COL26A1: variants seen among roughly 807,000 people sequenced by gnomAD.
COL26A1 encodes collagen alpha-1(XXVI) chain.
A neutral mutation model predicts 59.3 loss-of-function variants in COL26A1; 41 were observed. The observed-to-expected ratio is 0.69, with a 90% CI of 0.54 to 0.90. The LOEUF (loss-of-function observed/expected upper bound fraction) is 0.90. Ranked by LOEUF, COL26A1 falls within the 40% of genes least tolerant of loss-of-function variation. COL26A1 has a pLI of 0.00. For missense variants in COL26A1, 612 were observed against 602.3 expected (o/e 1.02, Z -0.17); for synonymous variants, 266 against 256.0 (o/e 1.04, Z -0.37).
intron 3 of COL26A1, among the ~76,000 whole-genome samples, chr7:101,477,840 A>AT (rs1207318905): frequency 6.6e-6 from 1 of 151,264 alleles, no homozygotes. Context: ...TGTAGATGAG[A>AT]TTTTCTCAGC....
At chr7:101,402,144 C>A (rs533242956) in intron 1 of COL26A1, among the ~76,000 whole-genome samples, 1 of 152,220 alleles carries the variant, frequency 6.6e-6, no homozygotes, top group South Asian at 2.1e-4. Context: ...GGGGTGCCAC[C>A]GGCTGCCGGA....
chr7:101,546,478 G>A (rs1201303681), intron 7 of COL26A1, among the ~76,000 whole-genome samples: 3 of 151,130 alleles, frequency 2.0e-5, no homozygotes, highest in Non-Finnish European at 4.4e-5. Context: ...GTCTCACTAT[G>A]TTGGGCAGGC....
chr7:101,489,681 C>CTTTCTT (rs1794360096), intron 3 of COL26A1, among the ~76,000 whole-genome samples: 1 of 24,118 alleles, frequency 4.1e-5, no homozygotes, highest in African/African-American at 5.6e-4. Flanking sequence ...TCCTTCCTTC[C>CTTTCTT]TTTCTTTCTT....
At chr7:101,403,862 T>A (rs1423139259) in intron 1 of COL26A1, among the ~76,000 whole-genome samples, 1 of 152,090 alleles carries the variant, frequency 6.6e-6, no homozygotes, top group African/African-American at 2.4e-5. Context: ...TTGGGAAGCC[T>A]AGGCGGGCAG....
chr7:101,549,050 C>G (rs1369977862), intron 8 of COL26A1, 121 bp from the exon 9 acceptor site: 12 of 530,744 alleles, frequency 2.3e-5, no homozygotes, highest in African/African-American at 8.0e-5. Context: ...CCTCCCCACA[C>G]CATTCATTCC....
At chr7:101,495,149 C>T (rs901784042) in intron 3 of COL26A1, among the ~76,000 whole-genome samples, 1 of 152,164 alleles carries the variant, frequency 6.6e-6, no homozygotes, top group Non-Finnish European at 1.5e-5. Flanking sequence ...TCGGTGCCCC[C>T]CTCCCACCTC....
chr7:101,403,267 G>A (rs1584377240), intron 1 of COL26A1, among the ~76,000 whole-genome samples: 1 of 152,168 alleles, frequency 6.6e-6, no homozygotes, highest in South Asian at 2.1e-4. Context: ...TGCAGTGGGA[G>A]ATTAGGAGTG....
At chr7:101,538,648 G>A (rs186909516) in intron 4 of COL26A1, among the ~76,000 whole-genome samples, 10 of 152,272 alleles carry the variant, frequency 6.6e-5, no homozygotes, top group Admixed American at 2.0e-4. Context: ...GGGGGAGCCC[G>A]TTCTGCAGCC....
chr7:101,463,570 C>T (rs1584429687), intron 3 of COL26A1, among the ~76,000 whole-genome samples: 2 of 120,726 alleles, frequency 1.7e-5, no homozygotes, highest in Non-Finnish European at 3.3e-5. Context: ...CTTTCTTTCA[C>T]TTGTCCTTCC....
chr7:101,526,151 C>A (rs183388353), intron 3 of COL26A1, among the ~76,000 whole-genome samples: 1 of 151,926 alleles, frequency 6.6e-6, no homozygotes, highest in Non-Finnish European at 1.5e-5. Context: ...TGGGTTCAAG[C>A]GATTCTCCTG....
At chr7:101,388,900 A>T (rs529257787) in intron 1 of COL26A1, 85 of 184,082 alleles carry the variant, frequency 4.6e-4, no homozygotes, top group African/African-American at 1.9e-3. Context: ...TTAGCGACTG[A>T]GTAGCTCCTC....
intron 1 of COL26A1, among the ~76,000 whole-genome samples, chr7:101,395,753 C>A (rs962365448): frequency 6.6e-6 from 1 of 152,128 alleles, no homozygotes; most frequent in Admixed American, 6.5e-5. Flanking sequence ...GAAGGTGGCT[C>A]CTTCCACCTG....
At position 101,513,557 on chromosome 7, in the gene COL26A1, C is replaced by CTGGTCTCAAGCTCT. The variant is rs1222352503; in HGVS notation, c.386-19521_386-19508dup. Among the ~76,000 whole-genome samples the CTGGTCTCAAGCTCT allele has an allele frequency of 2.6e-5, 4 of 152,014 alleles. No individual in the cohort carries two copies. The East Asian group carries it at 7.7e-4, about 29-fold the overall frequency. ...ATGGGGTTTTGCCGTGTTGGCCAGG[C>CTGGTCTCAAGCTCT]TGGTCTCAAGCTCTTGGCCTCAAGT... is the stretch of plus-strand genomic sequence containing the variant. On this transcript the variant is annotated intron_variant, in intron 3 of 12. Coordinates refer to ENST00000313669, the MANE Select transcript of COL26A1 (RefSeq NM_001278563.3).
intron 1 of COL26A1, among the ~76,000 whole-genome samples, chr7:101,367,595 G>A (rs1010847533): frequency 4.0e-5 from 6 of 151,850 alleles, no homozygotes; most frequent in African/African-American, 1.5e-4. Context: ...AGCCCGGGAG[G>A]CGGAGGGTAC....
chr7:101,417,733 A>G (rs1792414228), intron 1 of COL26A1, among the ~76,000 whole-genome samples: 1 of 143,026 alleles, frequency 7.0e-6, no homozygotes, highest in African/African-American at 2.8e-5. Flanking sequence ...TAATATATTT[A>G]TATCTTGAGA....
At chr7:101,496,324 A>G (rs1003812810) in intron 3 of COL26A1, among the ~76,000 whole-genome samples, 4 of 152,238 alleles carry the variant, frequency 2.6e-5, no homozygotes, top group African/African-American at 9.6e-5. Flanking sequence ...ACAGCAGGTC[A>G]ATTTACCAAG....
chr7:101,380,728 A>G (rs1332201096), intron 1 of COL26A1, among the ~76,000 whole-genome samples: 3 of 152,184 alleles, frequency 2.0e-5, no homozygotes, highest in Non-Finnish European at 4.4e-5. Flanking sequence ...CCCAGACTTT[A>G]GAGATCAGCT....
intron 3 of COL26A1, among the ~76,000 whole-genome samples, chr7:101,517,766 A>G (rs925988580): frequency 2.8e-5 from 4 of 141,234 alleles, no homozygotes; most frequent in Non-Finnish European, 4.6e-5. Flanking sequence ...GGCTTCCCCC[A>G]CTGCAGTCAG....
intron 3 of COL26A1, among the ~76,000 whole-genome samples, chr7:101,507,784 C>T (rs1794843037): frequency 6.6e-6 from 1 of 152,054 alleles, no homozygotes. Context: ...TCTCTCCCCA[C>T]CAAGAGCAAG....
Sources: allele counts gnomAD v4.1 joint callset (sites outside exome capture counted in the v4.1 genomes callset), GRCh38; gene constraint gnomAD v4.1.1; transcripts MANE v1.5; gene names NCBI Gene and HGNC (gene_info 2026-07-23, HGNC 2026-07-21).